Variants in UBE3D observed in about 807,000 individuals in gnomAD.
UBE3D encodes the protein ubiquitin protein ligase E3D, also known as E3 ubiquitin-protein ligase E3D.
Under a neutral mutation model 49.6 loss-of-function variants are expected in UBE3D, and 48 were observed. The ratio of observed to expected loss-of-function variants is 0.97; its 90% CI spans 0.77 to 1.23. The LOEUF (loss-of-function observed/expected upper bound fraction) is 1.23. UBE3D is among the 50% of genes most tolerant of loss of function. The pLI, the probability that UBE3D is intolerant of heterozygous loss-of-function variation, is 0.00. For synonymous variants in UBE3D, 189 were observed against 174.2 expected (o/e 1.08, Z -0.67); for missense variants, 452 against 468.4 (o/e 0.96, Z 0.32).
At chr6:82,945,566 A>G (rs1775341021) in intron 9 of UBE3D, among the ~76,000 whole-genome samples, 2 of 152,188 alleles carry the variant, frequency 1.3e-5, no homozygotes, top group South Asian at 4.1e-4. Context: ...GAAGACTACA[A>G]TAAATACCTA....
chr6:82,933,405 A>C (rs1774316974), intron 9 of UBE3D, among the ~76,000 whole-genome samples: 1 of 152,218 alleles, frequency 6.6e-6, no homozygotes, highest in Non-Finnish European at 1.5e-5. Context: ...TCTAAAAGTA[A>C]ATACACAGTC....
chr6:82,895,433 A>C (rs999388085), intron 9 of UBE3D, among the ~76,000 whole-genome samples: 2 of 152,184 alleles, frequency 1.3e-5, no homozygotes, highest in African/African-American at 2.4e-5. Context: ...TCGGTTGTCA[A>C]CGTAACTGGG....
intron 8 of UBE3D, among the ~76,000 whole-genome samples, chr6:82,984,474 A>G (rs1365133282): frequency 6.6e-6 from 1 of 152,140 alleles, no homozygotes; most frequent in Non-Finnish European, 1.5e-5. Flanking sequence ...TTTTTGCCAA[A>G]TTTCCCTCCA....
chr6:83,047,026 A>C (rs1227597281), intron 3 of UBE3D, among the ~76,000 whole-genome samples: 1 of 152,232 alleles, frequency 6.6e-6, no homozygotes, highest in African/African-American at 2.4e-5. Context: ...ACTGTCTTAC[A>C]TTGCTCCTAA....
At chr6:82,982,636 T>A (rs62419172) in intron 8 of UBE3D, among the ~76,000 whole-genome samples, 26,840 of 152,126 alleles carry the variant, frequency 0.18, 2,542 homozygotes, top group African/African-American at 0.24. Flanking sequence ...TCGGGTTTGC[T>A]GTTTTGAAGA....
the UBE3D span, among the ~76,000 whole-genome samples, chr6:82,880,842 T>G: frequency 1.3e-5 from 2 of 152,140 alleles, no homozygotes. Flanking sequence ...TTCTGGAGCC[T>G]GGAAGTCCAA....
At chr6:82,897,276 T>G (rs1451328109) in intron 9 of UBE3D, among the ~76,000 whole-genome samples, 1 of 152,006 alleles carries the variant, frequency 6.6e-6, no homozygotes, top group East Asian at 1.9e-4. Context: ...ACAAGGAAAG[T>G]TTATGCCCTT....
intron 8 of UBE3D, among the ~76,000 whole-genome samples, chr6:82,993,118 G>A (rs539522719): frequency 3.3e-5 from 5 of 152,098 alleles, no homozygotes; most frequent in Middle Eastern, 3.4e-3. Context: ...ACGGGGTCGG[G>A]GGGGAGAGAG....
At chr6:82,881,196 A>T in the UBE3D span, among the ~76,000 whole-genome samples, 1 of 152,156 alleles carries the variant, frequency 6.6e-6, no homozygotes, top group East Asian at 1.9e-4. Flanking sequence ...GGAGCTATGA[A>T]GTTTGGAGGA....
chr6:82,994,837 C>A (rs908771444), intron 8 of UBE3D, among the ~76,000 whole-genome samples: 1 of 152,086 alleles, frequency 6.6e-6, no homozygotes. Flanking sequence ...ATATATTTGC[C>A]AGGAATGGTA....
rs893044727 is a variant in UBE3D, at chr6:82,987,564, G to A, written c.1011-30114C>T. On this transcript the variant is annotated intron_variant, in intron 8 of 9. Transcript: ENST00000369747. ...ATATTTCTTGTAGCAATAAAACATC[G>A]AATTGGCAAAATTAGGAAGTGCTGA... Among the ~76,000 whole-genome samples, 37 of 152,168 alleles carry A rather than the reference G, an allele frequency of 2.4e-4. No individual in the cohort carries two copies. The East Asian group carries it at 6.6e-3, about 27-fold the overall frequency.
chr6:82,928,911 G>A (rs1042956807), intron 9 of UBE3D, among the ~76,000 whole-genome samples: 3 of 152,070 alleles, frequency 2.0e-5, no homozygotes, highest in African/African-American at 7.2e-5. Flanking sequence ...ACAAAACCTA[G>A]TCCCAACATT....
At chr6:82,933,285 G>A (rs965972740) in intron 9 of UBE3D, among the ~76,000 whole-genome samples, 1 of 152,224 alleles carries the variant, frequency 6.6e-6, no homozygotes, top group African/African-American at 2.4e-5. Context: ...CAAATGGCAA[G>A]ATAGGTTCTG....
downstream of UBE3D, among the ~76,000 whole-genome samples, chr6:82,892,205 G>A (rs187709182): frequency 6.6e-6 from 1 of 152,316 alleles, no homozygotes; most frequent in Non-Finnish European, 1.5e-5. Context: ...TTGGGCAGAG[G>A]AGATGGACAT....
chr6:82,882,804 A>G, the UBE3D span, among the ~76,000 whole-genome samples: 1 of 152,198 alleles, frequency 6.6e-6, no homozygotes, highest in African/African-American at 2.4e-5. Context: ...ACAGCCACAA[A>G]GAGAGAACTA....
chr6:82,995,988 C>A (rs1423879168), intron 8 of UBE3D, among the ~76,000 whole-genome samples: 2 of 152,068 alleles, frequency 1.3e-5, no homozygotes, highest in Non-Finnish European at 2.9e-5. Flanking sequence ...ATCACTTGAA[C>A]TGGGAGGCAG....
intron 8 of UBE3D, 139 bp from the exon 9 acceptor site, chr6:82,957,589 C>A: frequency 9.2e-7 from 1 of 1,090,922 alleles, no homozygotes; most frequent in African/African-American, 1.6e-5. Flanking sequence ...TAAAAATTCA[C>A]AGAGAACATG....
intron 9 of UBE3D, among the ~76,000 whole-genome samples, chr6:82,945,265 G>A (rs1775318205): frequency 6.6e-6 from 1 of 152,230 alleles, no homozygotes; most frequent in South Asian, 2.1e-4. Flanking sequence ...CACAGAGACA[G>A]ATAGACAGAC....
rs1340468755 is a variant in UBE3D, at chr6:83,055,354, A to AT, written c.275-1117dup. Among the ~76,000 whole-genome samples the AT allele has an allele frequency of 2.6e-5, 4 of 152,352 alleles. No homozygotes were observed. The East Asian group carries it at 5.8e-4, about 22-fold the overall frequency. ...TGTGTTTTTCTGTATGTATTTTAAG[A>AT]TTTTAAAAAACTGATGCTAGAAGGT... is the stretch of plus-strand genomic sequence containing the variant. On this transcript the variant is annotated intron_variant, in intron 2 of 9. Transcript: ENST00000369747.
Sources: gnomAD v4.1 joint callset for allele counts (sites outside exome capture counted in the v4.1 genomes callset) on GRCh38, gnomAD v4.1.1 for gene constraint, MANE v1.5 for transcripts, NCBI Gene and HGNC (gene_info 2026-07-23, HGNC 2026-07-21) for gene names.